The following TMEM132D variants were observed in gnomAD, a reference collection of about 807,000 sequenced individuals.
TMEM132D encodes mature OL transmembrane protein.
A neutral mutation model predicts 62.3 loss-of-function variants in TMEM132D; 21 were observed. That is an observed-to-expected ratio of 0.34 (90% CI 0.24 to 0.49). TMEM132D has a LOEUF of 0.49. TMEM132D is among the 20% of genes least tolerant of loss of function. The pLI is 0.99. For synonymous variants in TMEM132D, 621 were observed against 575.6 expected (o/e 1.08, Z -1.13); for missense variants, 1,346 against 1,402.8 (o/e 0.96, Z 0.65).
At chr12:129,693,485 A>T (rs1011709469) in intron 2 of TMEM132D, among the ~76,000 whole-genome samples, 3 of 152,186 alleles carry the variant, frequency 2.0e-5, no homozygotes, top group African/African-American at 7.2e-5. Context: ...GGGCATAAGC[A>T]CTTCCTTCCA....
Position 129,719,096 on chromosome 12 carries a change from A to AAAAAG in TMEM132D, c.80-18399_80-18398insCTTTT, listed in dbSNP as rs1555227254. On this transcript the variant is annotated intron_variant, in intron 1 of 8. Coordinates refer to ENST00000422113, the MANE Select transcript of TMEM132D (RefSeq NM_133448.3). Reference sequence around the variant, plus strand: ...TACAAAAAAAATGAAAAAAAAAAAAAAAAGAAAAAAAGCTGGGTGTAGTGG... The same window carrying AAAAAG: ...TACAAAAAAAATGAAAAAAAAAAAAAAAAAGAAAGAAAAAAAGCTGGGTGTAGTGG... Among the ~76,000 whole-genome samples, 983 of 144,446 alleles carry AAAAAG rather than the reference A, an allele frequency of 6.8e-3. 7 individuals carry two copies. The highest frequency in any genetic ancestry group is 0.025 in the Middle Eastern group (7 of 276). The allele number at this position is 144,446 out of a possible 152,430, so 94.8% of individuals were successfully genotyped here.
chr12:129,560,013 A>G (rs946646032), intron 2 of TMEM132D, among the ~76,000 whole-genome samples: 12 of 152,224 alleles, frequency 7.9e-5, no homozygotes, highest in Non-Finnish European at 1.3e-4. Context: ...TTGAGGCCAG[A>G]ACAATGTATG....
Position 129,867,642 on chromosome 12 carries a change from G to A in TMEM132D, c.79+35619C>T, listed in dbSNP as rs1874100946. ...AAGTAAAACAAAGAAAACCGTCACT[G>A]TAGAAAGGGATAATGTGAACTAGCT... On this transcript the variant is annotated intron_variant, in intron 1 of 8. Transcript: ENST00000422113. The surrounding 1 kb of genome is among the most constrained non-coding windows in gnomAD (Gnocchi z 4.5). Among the ~76,000 whole-genome samples, 1 of 152,220 alleles carries A rather than the reference G, an allele frequency of 6.6e-6. No homozygotes were observed. Among genetic ancestry groups the A allele is most frequent in the Admixed American group, 6.5e-5 (1 of 15,282 alleles).
chr12:129,237,008 G>A (rs187934535), intron 4 of TMEM132D, among the ~76,000 whole-genome samples: 9 of 152,034 alleles, frequency 5.9e-5, no homozygotes, highest in Non-Finnish European at 1.5e-5. Flanking sequence ...TCTTCATTCT[G>A]TTAATGTGGT....
chr12:129,792,390 A>G (rs1871424909), intron 1 of TMEM132D, among the ~76,000 whole-genome samples: 1 of 152,162 alleles, frequency 6.6e-6, no homozygotes, highest in South Asian at 2.1e-4. Flanking sequence ...GTACCCGGTT[A>G]TTGCTGGAAT....
chr12:129,338,043 A>G (rs1249363816), intron 3 of TMEM132D, among the ~76,000 whole-genome samples: 1 of 152,244 alleles, frequency 6.6e-6, no homozygotes, highest in Non-Finnish European at 1.5e-5. Context: ...TCCAGGTTCC[A>G]AAGTCCTTCT....
At chr12:129,205,389 A>T (rs1379878253) in intron 5 of TMEM132D, among the ~76,000 whole-genome samples, 5 of 151,490 alleles carry the variant, frequency 3.3e-5, no homozygotes, top group African/African-American at 1.2e-4. Flanking sequence ...AAAAAAAAAA[A>T]AAACTGACTT....
At chr12:129,300,387 G>T (rs934713479) in intron 4 of TMEM132D, among the ~76,000 whole-genome samples, 2 of 152,164 alleles carry the variant, frequency 1.3e-5, no homozygotes, top group Non-Finnish European at 2.9e-5. Flanking sequence ...CCAGGACTTG[G>T]GATGAAGAAA....
Position 129,513,843 on chromosome 12 carries a change from T to TATTA in TMEM132D, c.1115+17215_1115+17216insTAAT, listed in dbSNP as rs1281754128. Among the ~76,000 whole-genome samples, 442 of 135,226 alleles carry TATTA rather than the reference T, an allele frequency of 3.3e-3. 10 individuals are homozygous for TATTA. The South Asian group carries it at 0.042, about 13-fold the overall frequency. The allele number at this position is 135,226 out of a possible 152,430, so 88.7% of individuals were successfully genotyped here. On this transcript the variant is annotated intron_variant, in intron 3 of 8. Transcript: ENST00000422113. ...TTATTTATTTATTTATTTATTTATT[T>TATTA]ATTTATTTTTTTGAGACGGAGTCTC...
intron 5 of TMEM132D, chr12:129,170,062 G>A (rs1877678639): frequency 6.6e-6 from 1 of 152,236 alleles, no homozygotes; most frequent in Non-Finnish European, 1.5e-5. Flanking sequence ...ACCACGGCCA[G>A]GGCTTAATTG....
Position 129,072,623 on chromosome 12 carries a change from G to GGT in TMEM132D, c.*1250_*1251dup, listed in dbSNP as rs1874109182. ...GATGAAGAAGGTTTCTGTGCTGTCCGGTGTGTGTGAGGCTGGGCTTCCTGC... is the reference window on the plus strand; with the variant it reads ...GATGAAGAAGGTTTCTGTGCTGTCCGGTGTGTGTGTGAGGCTGGGCTTCCTGC... On this transcript the variant is annotated 3_prime_UTR_variant, in exon 9 of 9. Coordinates refer to ENST00000422113, the MANE Select transcript of TMEM132D (RefSeq NM_133448.3). The GGT allele has an allele frequency of 6.6e-6, 1 of 152,306 alleles. No individual in the cohort carries two copies. The highest frequency in any genetic ancestry group is 2.4e-5 in the African/African-American group (1 of 41,402). 9.4% of individuals were successfully genotyped at this position (152,306 alleles called of 1,614,324 possible).
At chr12:129,166,682 TAC>T (rs1398709734) in intron 5 of TMEM132D, among the ~76,000 whole-genome samples, 2,852 of 59,874 alleles carry the variant, frequency 0.048, 96 homozygotes, top group East Asian at 0.23. Flanking sequence ...GACATATATA[TAC>T]ACATACACAC....
At chr12:129,863,745 C>A (rs529697542) in intron 1 of TMEM132D, among the ~76,000 whole-genome samples, 25 of 152,218 alleles carry the variant, frequency 1.6e-4, no homozygotes, top group Admixed American at 8.5e-4. Flanking sequence ...ACATGAAATG[C>A]TAGCATCAGA....
At chr12:129,086,201 C>CGT (rs1218792744) in intron 5 of TMEM132D, among the ~76,000 whole-genome samples, 3,481 of 141,068 alleles carry the variant, frequency 0.025, 65 homozygotes, top group African/African-American at 0.056. Flanking sequence ...CACGCGCGCG[C>CGT]GTGTGTGTGT....
intron 5 of TMEM132D, among the ~76,000 whole-genome samples, chr12:129,189,635 T>C (rs186019854): frequency 6.6e-6 from 1 of 152,270 alleles, no homozygotes; most frequent in Non-Finnish European, 1.5e-5. Flanking sequence ...GAGAATGCAC[T>C]TCACATTTCC....
intron 1 of TMEM132D, among the ~76,000 whole-genome samples, chr12:129,836,467 T>C (rs1019132667): frequency 6.6e-6 from 1 of 151,952 alleles, no homozygotes; most frequent in Admixed American, 6.6e-5. Flanking sequence ...GATAACTAAG[T>C]GGATTGCTTG....
chr12:129,288,365 T>C (rs1881361696), intron 4 of TMEM132D, among the ~76,000 whole-genome samples: 1 of 152,158 alleles, frequency 6.6e-6, no homozygotes, highest in Non-Finnish European at 1.5e-5. Flanking sequence ...CTTAGAATGG[T>C]AAACTCATAC....
At chr12:129,483,677 C>T (rs1047710349) in intron 3 of TMEM132D, among the ~76,000 whole-genome samples, 4 of 152,296 alleles carry the variant, frequency 2.6e-5, no homozygotes, top group Admixed American at 1.3e-4. Context: ...GAGGCTGAAA[C>T]GAAACGTGTG....
At chr12:129,667,914 A>G (rs1018910818) in intron 2 of TMEM132D, among the ~76,000 whole-genome samples, 1 of 151,824 alleles carries the variant, frequency 6.6e-6, no homozygotes, top group Non-Finnish European at 1.5e-5. Context: ...ACTGTGTACC[A>G]CAGAGGTAAC....
Sources: gnomAD v4.1 joint callset for allele counts (sites outside exome capture counted in the v4.1 genomes callset) on GRCh38, gnomAD v4.1.1 for gene constraint, Gnocchi (gnomAD v3.1) non-coding constraint, MANE v1.5 for transcripts, NCBI Gene and HGNC (gene_info 2026-07-23, HGNC 2026-07-21) for gene names.